LRP12: variants seen among roughly 807,000 people sequenced by gnomAD.
LRP12 encodes LDL receptor related protein 12.
Under a neutral mutation model 66.0 loss-of-function variants are expected in LRP12, and 14 were observed. The observed-to-expected ratio is 0.21, with a 90% CI of 0.14 to 0.33. LRP12 has a LOEUF of 0.33. LRP12 is among the 10% of genes least tolerant of loss of function. The pLI is 1.00. For missense variants in LRP12, 889 were observed against 1,053.4 expected (o/e 0.84, Z 2.16); for synonymous variants, 357 against 359.1 (o/e 0.99, Z 0.07).
intron 1 of LRP12, among the ~76,000 whole-genome samples, chr8:104,533,846 C>A (rs1243650902): frequency 6.6e-6 from 1 of 151,766 alleles, no homozygotes; most frequent in Non-Finnish European, 1.5e-5. Flanking sequence ...AATCTTTTTT[C>A]CAGTTTGGTA....
At chr8:104,511,365 A>C (rs1452683410) in intron 2 of LRP12, among the ~76,000 whole-genome samples, 2 of 150,144 alleles carry the variant, frequency 1.3e-5, no homozygotes, top group African/African-American at 4.9e-5. Context: ...AAGAGATGAG[A>C]TCTCACTATG....
intron 1 of LRP12, among the ~76,000 whole-genome samples, chr8:104,548,802 G>C (rs1349335389): frequency 1.3e-5 from 2 of 151,510 alleles, no homozygotes; most frequent in African/African-American, 4.9e-5. Flanking sequence ...AAACTGGCTG[G>C]GTGTGGTGGT....
chr8:104,556,843 C>T (rs1050809381), intron 1 of LRP12, among the ~76,000 whole-genome samples: 5 of 152,042 alleles, frequency 3.3e-5, no homozygotes, highest in African/African-American at 9.7e-5. Flanking sequence ...TCCCTGATGA[C>T]CACAGATACA....
chr8:104,555,677 C>G (rs1478871423), intron 1 of LRP12, among the ~76,000 whole-genome samples: 1 of 151,962 alleles, frequency 6.6e-6, no homozygotes, highest in Admixed American at 6.6e-5. Context: ...TACTAATAGA[C>G]CTAAGAAATG....
intron 1 of LRP12, among the ~76,000 whole-genome samples, chr8:104,550,576 C>G (rs1029023310): frequency 3.3e-5 from 5 of 152,136 alleles, no homozygotes; most frequent in African/African-American, 1.2e-4. Context: ...CCAGCATCTC[C>G]CAGTTGTTCA....
Position 104,588,802 on chromosome 8 carries a change from G to C in LRP12, c.79+17C>G. 3 of 1,610,376 alleles carry C rather than the reference G, an allele frequency of 1.9e-6. No individual in the cohort carries two copies. The highest frequency in any genetic ancestry group is 2.2e-5 in the East Asian group (1 of 44,612). Reference sequence around the variant, plus strand: ...AGCTTTGTTCGGTCAGCGGGGCGCGGGGACGCGGACACTTACCGTACACCC... The same window carrying C: ...AGCTTTGTTCGGTCAGCGGGGCGCGCGGACGCGGACACTTACCGTACACCC... On this transcript the variant is annotated intron_variant, in intron 1 of 6. Transcript: ENST00000276654.
At chr8:104,542,333 T>C (rs994960843) in intron 1 of LRP12, among the ~76,000 whole-genome samples, 1 of 152,186 alleles carries the variant, frequency 6.6e-6, no homozygotes, top group African/African-American at 2.4e-5. Flanking sequence ...ATTTCTTAAT[T>C]GGCTGGATTG....
At chr8:104,576,577 C>T (rs1564149151) in intron 1 of LRP12, among the ~76,000 whole-genome samples, 2 of 152,122 alleles carry the variant, frequency 1.3e-5, no homozygotes, top group African/African-American at 2.4e-5. Flanking sequence ...TTCGTTACCA[C>T]CAGACGTGCT....
chr8:104,574,363 C>T (rs1174529440), intron 1 of LRP12, among the ~76,000 whole-genome samples: 3 of 152,132 alleles, frequency 2.0e-5, no homozygotes, highest in Admixed American at 2.0e-4. Context: ...CTGTGGAGTC[C>T]TGCGACCCGA....
chr8:104,546,638 C>A (rs1811562046), intron 1 of LRP12, among the ~76,000 whole-genome samples: 1 of 151,896 alleles, frequency 6.6e-6, no homozygotes, highest in African/African-American at 2.4e-5. Flanking sequence ...CAGATTTACC[C>A]AACTCCAACA....
At chr8:104,548,344 T>TG (rs1278713283) in intron 1 of LRP12, among the ~76,000 whole-genome samples, 6 of 36,694 alleles carry the variant, frequency 1.6e-4, no homozygotes, top group Non-Finnish European at 2.6e-4. Context: ...TATAAATATA[T>TG]AAATATATAA....
In LRP12 at chr8:104,511,774, G is replaced by A. The variant is rs374931072; in HGVS notation, c.137-2700C>T. ...CATATCGAAAAATGGGTCTGCCCTG[G>A]AATTAGGGTGCACTGCCAAAGGGCA... On this transcript the variant is annotated intron_variant, in intron 2 of 6. Coordinates refer to ENST00000276654, the MANE Select transcript of LRP12 (RefSeq NM_013437.5). Among the ~76,000 whole-genome samples the A allele has an allele frequency of 2.6e-5, 4 of 152,278 alleles. No individual in the cohort carries two copies. The East Asian group carries it at 7.7e-4, about 29-fold the overall frequency.
chr8:104,565,916 G>A (rs1458710928), intron 1 of LRP12, among the ~76,000 whole-genome samples: 3 of 139,140 alleles, frequency 2.2e-5, no homozygotes, highest in East Asian at 2.3e-4. Flanking sequence ...GGTTGTGGGG[G>A]AAGAATGGAA....
At chr8:104,528,755 A>G (rs1243099779) in intron 2 of LRP12, among the ~76,000 whole-genome samples, 1 of 151,688 alleles carries the variant, frequency 6.6e-6, no homozygotes, top group East Asian at 1.9e-4. Flanking sequence ...AGCCTGGCCA[A>G]CAGAGAGAGT....
At chr8:104,580,553 CA>C (rs1812234956) in intron 1 of LRP12, among the ~76,000 whole-genome samples, 1 of 150,756 alleles carries the variant, frequency 6.6e-6, no homozygotes, top group African/African-American at 2.4e-5. Context: ...AACAAACAAA[CA>C]AAAAATTAAT....
chr8:104,539,172 C>T (rs1007418841), intron 1 of LRP12, among the ~76,000 whole-genome samples: 8 of 151,982 alleles, frequency 5.3e-5, no homozygotes, highest in African/African-American at 1.7e-4. Context: ...ATTAATGAGA[C>T]GACTGTAAAC....
chr8:104,585,082 T>C (rs1182321483), intron 1 of LRP12, among the ~76,000 whole-genome samples: 1 of 151,986 alleles, frequency 6.6e-6, no homozygotes, highest in African/African-American at 2.4e-5. Flanking sequence ...AAATGAATTT[T>C]ATCACAAGTC....
chr8:104,563,575 G>A (rs1024054004), intron 1 of LRP12, among the ~76,000 whole-genome samples: 3 of 151,956 alleles, frequency 2.0e-5, no homozygotes, highest in Admixed American at 6.6e-5. Context: ...AATTCATATG[G>A]TTGAAATCCT....
At chr8:104,515,664 A>T (rs1811063603) in intron 2 of LRP12, among the ~76,000 whole-genome samples, 2 of 152,326 alleles carry the variant, frequency 1.3e-5, no homozygotes, top group Middle Eastern at 3.4e-3. Flanking sequence ...CATTAAAAGC[A>T]AATACCTTTA....
Sources: allele counts gnomAD v4.1 joint callset (sites outside exome capture counted in the v4.1 genomes callset), GRCh38; gene constraint gnomAD v4.1.1; transcripts MANE v1.5; gene names NCBI Gene and HGNC (gene_info 2026-07-23, HGNC 2026-07-21).